CEP290: variants seen among roughly 807,000 people sequenced by gnomAD.
CEP290 encodes the protein centrosomal protein 290.
Under a neutral mutation model 344.9 loss-of-function variants are expected in CEP290, and 317 were observed. The observed-to-expected ratio is 0.92, with a 90% CI of 0.84 to 1.01. CEP290 has a LOEUF of 1.01. CEP290 is among the 50% of genes least tolerant of loss of function. The pLI is 0.00. For synonymous variants in CEP290, 932 were observed against 895.8 expected (o/e 1.04, Z -0.72); for missense variants, 2,754 against 2,761.4 (o/e 1.00, Z 0.06).
In CEP290 at chr12:88,107,022, C is replaced by T. The variant is rs1172138698; in HGVS notation, c.2560G>A (p.Asp854Asn). The T allele has an allele frequency of 6.4e-7, 1 of 1,551,514 alleles. No individual in the cohort carries two copies. Among genetic ancestry groups the T allele is most frequent in the Non-Finnish European group, 8.7e-7 (1 of 1,149,188 alleles). ...TTATATTCTTTTACTTTTATAGCAT[C>T]TTGTTGGACTTGATCCTCAAGTTTT... ...KRKLEDQVQQDAIKVKEYNNL... is the reference protein window; with the variant it reads ...KRKLEDQVQQNAIKVKEYNNL... The change falls in exon 24 of 54, where the codon GAT becomes AAT. Residue 854 changes from aspartate (D) to asparagine (N), a missense_variant. Coordinates refer to ENST00000552810, the MANE Select transcript of CEP290 (RefSeq NM_025114.4).
chr12:88,090,806 T>A lies in CEP290; in HGVS notation c.3495A>T (p.Gln1165His). 1.3e-6 allele frequency: 2 copies of A among 1,559,976 alleles called. No homozygotes were observed. The highest frequency in any genetic ancestry group is 1.7e-6 in the Non-Finnish European group (2 of 1,150,118). Residue 1165 changes from glutamine (Q) to histidine (H), a missense_variant, in exon 30 of 54, where the codon CAA becomes CAT. Transcript: ENST00000552810. ...LREISDIARR[Q>H]VEILNAQQQS... ...GTTGTTGTGCATTCAAAATTTCAAC[T>A]TGTCTTCTGGCAATATCAGAAATCT...
intron 29 of CEP290, among the ~76,000 whole-genome samples, chr12:88,092,199 ATGTT>A (rs1363803435): frequency 6.6e-6 from 1 of 152,260 alleles, no homozygotes; most frequent in Non-Finnish European, 1.5e-5. Context: ...AAGTCAATAT[ATGTT>A]TAATACCTTG....
chr12:88,054,065 C>T lies in CEP290; in HGVS notation c.7034+275G>A, dbSNP rs74338819. 7.5e-3 allele frequency among the ~76,000 whole-genome samples: 1,148 copies of T among 152,232 alleles called. 20 individuals are homozygous for T. The highest frequency in any genetic ancestry group is 0.027 in the African/African-American group (1,102 of 41,556). On this transcript the variant is annotated intron_variant, in intron 51 of 53. Coordinates refer to ENST00000552810, the MANE Select transcript of CEP290 (RefSeq NM_025114.4). The stretch of plus-strand genomic sequence containing the variant: ...TGTTCTCTTTCATTAGTATTTTCCT[C>T]TGGGAAGCTAAGGTTTAACTCATTC...
intron 39 of CEP290, among the ~76,000 whole-genome samples, chr12:88,078,583 C>G (rs1286271025): frequency 6.6e-6 from 1 of 152,092 alleles, no homozygotes; most frequent in South Asian, 2.1e-4. Flanking sequence ...CTGTATAATA[C>G]TATAATGATG....
intron 43 of CEP290, among the ~76,000 whole-genome samples, chr12:88,070,284 T>G (rs1354875595): frequency 2.0e-5 from 3 of 152,190 alleles, no homozygotes; most frequent in Non-Finnish European, 4.4e-5. Flanking sequence ...GGACTTAAAG[T>G]AGCAGCAAAC....
At chr12:88,075,757 G>GA (rs909460800) in intron 41 of CEP290, among the ~76,000 whole-genome samples, 1 of 152,266 alleles carries the variant, frequency 6.6e-6, no homozygotes, top group Admixed American at 6.5e-5. Context: ...CAATGAACCT[G>GA]AAAAAATATT....
chr12:88,106,062 T>G (rs1271990918), intron 25 of CEP290, among the ~76,000 whole-genome samples: 2 of 152,196 alleles, frequency 1.3e-5, no homozygotes, highest in Admixed American at 1.3e-4. Context: ...GGTCTGCTTG[T>G]CTTTTCCTTA....
rs1160323129 is a variant in CEP290, at chr12:88,111,755, A to T, written c.2156T>A (p.Leu719His). The T allele has an allele frequency of 1.9e-6, 3 of 1,604,644 alleles. No individual in the cohort carries two copies. The highest frequency in any genetic ancestry group is 1.7e-6 in the Non-Finnish European group (2 of 1,176,450). Residue 719 changes from leucine to histidine, a missense_variant, in exon 21 of 54, where the codon CTC (leucine) becomes CAC (histidine). Coordinates refer to ENST00000552810, the MANE Select transcript of CEP290 (RefSeq NM_025114.4). ...TGRNEELRQE[L>H]RESRKEAINY... is the part of the protein sequence containing the mutation. ...TATAGCCTCTTTCCGAGATTCCCTGAGCTCCTGTCTTAATTCTTCATTTCT... is the reference window on the plus strand; with the variant it reads ...TATAGCCTCTTTCCGAGATTCCCTGTGCTCCTGTCTTAATTCTTCATTTCT...
chr12:88,060,949 C>T lies in CEP290; in HGVS notation c.6403G>A (p.Gly2135Ser). The change falls in exon 47 of 54, where the codon GGT becomes AGT. Residue 2135 changes from glycine (G) to serine (S), a missense_variant. Transcript: ENST00000552810. ...TTTTCAACTACTTTTTTCATTAAAC[C>T]AATGGTTTTTTCCAGTTCTGGGATT... ...KTIPELEKTI[G>S]LMKKVVEKVQ... is the part of the protein sequence containing the mutation. The T allele has an allele frequency of 6.4e-7, 1 of 1,561,630 alleles. No homozygotes were observed.
intron 14 of CEP290, among the ~76,000 whole-genome samples, chr12:88,120,790 T>C (rs2039352748): frequency 6.6e-6 from 1 of 152,162 alleles, no homozygotes; most frequent in Non-Finnish European, 1.5e-5. Flanking sequence ...TTTGGACAAA[T>C]CACTGTGATC....
chr12:88,074,160 G>C (rs2035589388), intron 41 of CEP290, among the ~76,000 whole-genome samples: 1 of 152,132 alleles, frequency 6.6e-6, no homozygotes, highest in Non-Finnish European at 1.5e-5. Context: ...AGGAGGCGGA[G>C]GTTGCAGTGA....
intron 41 of CEP290, among the ~76,000 whole-genome samples, chr12:88,073,415 A>G (rs1019208723): frequency 2.0e-5 from 3 of 152,190 alleles, no homozygotes; most frequent in Admixed American, 6.5e-5. Flanking sequence ...ATATTTTCCA[A>G]TGGAGTCATG....
chr12:88,135,654 G>C (rs1005909897), intron 6 of CEP290: 2 of 152,036 alleles, frequency 1.3e-5, no homozygotes, highest in Non-Finnish European at 2.9e-5. Context: ...ATGAAGAATG[G>C]GGATACTTTT....
chr12:88,102,422 G>A (rs1157348173), intron 26 of CEP290, among the ~76,000 whole-genome samples: 2 of 152,166 alleles, frequency 1.3e-5, no homozygotes, highest in Admixed American at 6.5e-5. Flanking sequence ...GGGACCATGG[G>A]AGAATAGTTT....
At position 88,079,245 on chromosome 12, in the gene CEP290, A is replaced by G; in HGVS notation, c.5227-16T>C. 1 of 1,563,374 alleles carries G rather than the reference A, an allele frequency of 6.4e-7. No individual in the cohort carries two copies. Among genetic ancestry groups the G allele is most frequent in the Non-Finnish European group, 8.6e-7 (1 of 1,162,408 alleles). On this transcript the variant is annotated splice_polypyrimidine_tract_variant and intron_variant, in intron 38 of 53. Coordinates refer to ENST00000552810, the MANE Select transcript of CEP290 (RefSeq NM_025114.4). ...GACTAAGTGCCTAAAAATTAACCAA[A>G]AAAAAAATGTAATTTTTAAAGGAAA...
rs750343200 is a variant in CEP290 at position 88,102,889 on chromosome 12, C to T, written c.2940G>A (p.Leu980=). 4 of 1,611,126 alleles carry T rather than the reference C, an allele frequency of 2.5e-6. No homozygotes were observed. The highest frequency in any genetic ancestry group is 3.4e-6 in the Non-Finnish European group (4 of 1,178,656). The part of the protein sequence containing the change: ...NELTAKYRDI[L]QKDNMLVQRT... ...TTTGAACAAGCATATTATCTTTTTGCAAGATGTCCCTGTACTTAGCAGTCA... is the reference window on the plus strand; with the variant it reads ...TTTGAACAAGCATATTATCTTTTTGTAAGATGTCCCTGTACTTAGCAGTCA... The change falls in exon 26 of 54, where the codon TTG becomes TTA. Residue 980 remains leucine (L), a synonymous_variant. Coordinates refer to ENST00000552810, the MANE Select transcript of CEP290 (RefSeq NM_025114.4).
At position 88,050,347 on chromosome 12, in the gene CEP290, A is replaced by C. The variant is rs745813087; in HGVS notation, c.7209+7T>G. 74 of 1,382,438 alleles carry C rather than the reference A, an allele frequency of 5.4e-5. No homozygotes were observed. Among genetic ancestry groups the C allele is most frequent in the Non-Finnish European group, 7.4e-5 (73 of 985,928 alleles). 85.6% of individuals were successfully genotyped at this position (1,382,438 alleles called of 1,614,324 possible). On this transcript the variant is annotated splice_region_variant and intron_variant, in intron 53 of 53. Coordinates refer to ENST00000552810, the MANE Select transcript of CEP290 (RefSeq NM_025114.4). ...CAAAACGATACTAAAATATAATTAA[A>C]TATTACCTTCAAATGCTGCTTTTCT...
Position 88,109,063 on chromosome 12 carries a change from T to A in CEP290, c.2483+3A>T. The A allele has an allele frequency of 1.9e-6, 2 of 1,069,572 alleles. No homozygotes were observed. The highest frequency in any genetic ancestry group is 2.7e-6 in the Non-Finnish European group (2 of 749,142). The allele number at this position is 1,069,572 out of a possible 1,614,324, so 66.3% of individuals were successfully genotyped here. A position where few individuals can be genotyped will look rare whatever the true frequency, so the allele number is the denominator to read the frequency against. Reference sequence around the variant, plus strand: ...ATATTTATAGTTTTGCTAATACCTATACCTTAGGTATTCTTTATACAACAA... The same window carrying A: ...ATATTTATAGTTTTGCTAATACCTAAACCTTAGGTATTCTTTATACAACAA... On this transcript the variant is annotated splice_donor_region_variant and intron_variant, in intron 23 of 53. Transcript: ENST00000552810.
chr12:88,113,929 G>T (rs1490493147), intron 20 of CEP290, among the ~76,000 whole-genome samples: 4 of 152,134 alleles, frequency 2.6e-5, no homozygotes, highest in Non-Finnish European at 4.4e-5. Flanking sequence ...AAAGCAAGCA[G>T]ATTTTGGGAA....
Sources: gnomAD v4.1 joint callset for allele counts (sites outside exome capture counted in the v4.1 genomes callset) on GRCh38, gnomAD v4.1.1 for gene constraint, MANE v1.5 for transcripts, NCBI Gene and HGNC (gene_info 2026-07-23, HGNC 2026-07-21) for gene names.